The following CIBAR1 variants were observed in gnomAD, a reference collection of about 807,000 sequenced individuals.
The protein encoded by CIBAR1 is CBY1 interacting BAR domain containing 1, also known as CBY1-interacting BAR domain-containing protein 1.
Under a neutral mutation model 44.0 loss-of-function variants are expected in CIBAR1, and 25 were observed. The ratio of observed to expected loss-of-function variants is 0.57; its 90% CI spans 0.41 to 0.79. The LOEUF (loss-of-function observed/expected upper bound fraction) is 0.79. CIBAR1 is among the 30% of genes least tolerant of loss of function. The probability of loss-of-function intolerance (pLI) is 0.00; values close to 1 mark genes in which losing one functional copy is unlikely to be tolerated. For synonymous variants in CIBAR1, 115 were observed against 119.0 expected (o/e 0.97, Z 0.22); for missense variants, 278 against 344.8 (o/e 0.81, Z 1.53).
intron 6 of CIBAR1, among the ~76,000 whole-genome samples, chr8:93,713,039 T>TTC (rs1563644540): frequency 1.4e-5 from 2 of 145,508 alleles, no homozygotes; most frequent in African/African-American, 2.5e-5. Flanking sequence ...TTTTCTTTTT[T>TTC]TTTTTTTTTT....
Position 93,701,343 on chromosome 8 carries a change from A to T in CIBAR1, c.146A>T (p.Asp49Val). ...ACTGCCAGGCTGAGAGACAAAGCAG[A>T]CCTCCTGGTGAATGAAATTAACGCG... ...RKTARLRDKA[D>V]LLVNEINAYA... Residue 49 changes from aspartate to valine, a missense_variant, in exon 2 of 9, where the codon GAC becomes GTC. Around this residue, in one of 3 missense-constraint regions of CIBAR1, gnomAD observed 183 missense variants for 218.6 expected, o/e 0.84. Transcript: ENST00000518322. The T allele has an allele frequency of 6.2e-7, 1 of 1,613,778 alleles. No individual in the cohort carries two copies. The highest frequency in any genetic ancestry group is 1.1e-5 in the South Asian group (1 of 91,074).
intron 6 of CIBAR1, among the ~76,000 whole-genome samples, chr8:93,712,148 C>T (rs910405074): frequency 2.6e-5 from 4 of 152,206 alleles, no homozygotes; most frequent in African/African-American, 9.6e-5. Context: ...TGAGTGTATA[C>T]ACAGATATAT....
At chr8:93,725,698 G>A (rs938587642) in intron 7 of CIBAR1, 2 of 152,030 alleles carry the variant, frequency 1.3e-5, no homozygotes, top group Non-Finnish European at 2.9e-5. Context: ...TGAAGTTTTG[G>A]TTAAAGGAAA....
At chr8:93,724,163 C>G (rs1354897921) in intron 7 of CIBAR1, among the ~76,000 whole-genome samples, 1 of 152,178 alleles carries the variant, frequency 6.6e-6, no homozygotes, top group East Asian at 1.9e-4. Context: ...TTCGAGGCTA[C>G]AGTGAGCTAT....
chr8:93,717,631 A>G (rs572112680), intron 6 of CIBAR1, among the ~76,000 whole-genome samples: 1 of 152,322 alleles, frequency 6.6e-6, no homozygotes, highest in South Asian at 2.1e-4. Context: ...ATAAGTATCT[A>G]TATGGCTATC....
rs1811746344 is a variant in CIBAR1, at chr8:93,730,484, T to C, written c.*2187T>C. On this transcript the variant is annotated 3_prime_UTR_variant, in exon 9 of 9. Transcript: ENST00000518322. ...GAGAATACACCTCCAGTGTACCTGG[T>C]ATACCTTGAGGATAGGAGAGGAAAA... The C allele has an allele frequency of 6.6e-6, 1 of 152,218 alleles. No individual in the cohort carries two copies. Among genetic ancestry groups the C allele is most frequent in the African/African-American group, 2.4e-5 (1 of 41,456 alleles). 9.4% of individuals were successfully genotyped at this position (152,218 alleles called of 1,614,324 possible). A position where few individuals can be genotyped will look rare whatever the true frequency, so the allele number is the denominator to read the frequency against.
chr8:93,718,864 AAT>A, intron 7 of CIBAR1, 76 bp downstream of exon 7: 3 of 957,002 alleles, frequency 3.1e-6, no homozygotes, highest in South Asian at 4.0e-5. Flanking sequence ...GTATGTGATT[AAT>A]ATCTTTTTTT....
In CIBAR1 at chr8:93,703,692, A is replaced by G; in HGVS notation, c.330+4A>G. The G allele has an allele frequency of 2.6e-6, 4 of 1,548,002 alleles. No homozygotes were observed. The highest frequency in any genetic ancestry group is 2.4e-5 in the South Asian group (2 of 82,394). ...GACCATTGTGAAAATGAAACGGGTAAGTAAATCCATTTTCTCACTTAACTG... is the reference window on the plus strand; with the variant it reads ...GACCATTGTGAAAATGAAACGGGTAGGTAAATCCATTTTCTCACTTAACTG... On this transcript the variant is annotated splice_donor_region_variant and intron_variant, in intron 3 of 8. Coordinates refer to ENST00000518322, the MANE Select transcript of CIBAR1 (RefSeq NM_145269.5).
intron 5 of CIBAR1, among the ~76,000 whole-genome samples, chr8:93,709,088 G>A (rs1810717007): frequency 6.6e-6 from 1 of 152,124 alleles, no homozygotes; most frequent in Non-Finnish European, 1.5e-5. Flanking sequence ...AGACCAGCCT[G>A]GCCAATGTGA....
intron 2 of CIBAR1, 23 bp downstream of exon 2, chr8:93,701,481 C>T (rs1189030234): frequency 1.9e-6 from 3 of 1,593,620 alleles, no homozygotes; most frequent in Non-Finnish European, 2.6e-6. Flanking sequence ...ATCACAGTGT[C>T]ATTGTTATGA....
intron 6 of CIBAR1, among the ~76,000 whole-genome samples, chr8:93,711,020 G>A (rs565492967): frequency 5.9e-5 from 9 of 152,234 alleles, no homozygotes; most frequent in African/African-American, 1.9e-4. Context: ...CAGGGTAATA[G>A]TAGCCAACCA....
chr8:93,716,784 ATATT>A (rs1811052237), intron 6 of CIBAR1, among the ~76,000 whole-genome samples: 1 of 152,194 alleles, frequency 6.6e-6, no homozygotes, highest in Non-Finnish European at 1.5e-5. Flanking sequence ...TAAACATTAA[ATATT>A]TAGCTGGCAG....
intron 5 of CIBAR1, among the ~76,000 whole-genome samples, chr8:93,708,452 C>G (rs932473590): frequency 6.6e-6 from 1 of 151,986 alleles, no homozygotes; most frequent in Non-Finnish European, 1.5e-5. Flanking sequence ...AACTTTGGAG[C>G]TAGTTTTTAA....
At chr8:93,714,517 C>G (rs1810964464) in intron 6 of CIBAR1, among the ~76,000 whole-genome samples, 1 of 152,212 alleles carries the variant, frequency 6.6e-6, no homozygotes, top group Non-Finnish European at 1.5e-5. Context: ...GCACATCATT[C>G]CTCATCACTG....
intron 8 of CIBAR1, chr8:93,727,267 TA>T: frequency 9.2e-7 from 1 of 1,084,596 alleles, no homozygotes; most frequent in South Asian, 1.4e-5. Flanking sequence ...CCATACTTTC[TA>T]TTTTCATTTG....
In CIBAR1 at chr8:93,701,593, A is replaced by G. The variant is rs908665762; in HGVS notation, c.261+135A>G. 5 of 728,086 alleles carry G rather than the reference A, an allele frequency of 6.9e-6. No individual in the cohort carries two copies. In the East Asian group the frequency reaches 1.4e-4, roughly 20 times the overall value. The allele number at this position is 728,086 out of a possible 1,614,324, so 45.1% of individuals were successfully genotyped here. A position where few individuals can be genotyped will look rare whatever the true frequency, so the allele number is the denominator to read the frequency against. ...AACTTGATAAAACGTACATTTTCAT[A>G]AGACTGTGTGAGTCTATTAAAGAGA... is the stretch of plus-strand genomic sequence containing the variant. On this transcript the variant is annotated intron_variant, in intron 2 of 8. Coordinates refer to ENST00000518322, the MANE Select transcript of CIBAR1 (RefSeq NM_145269.5).
At chr8:93,708,332 T>A (rs1014934741) in intron 5 of CIBAR1, among the ~76,000 whole-genome samples, 3 of 152,206 alleles carry the variant, frequency 2.0e-5, no homozygotes, top group African/African-American at 7.2e-5. Context: ...TTTGGGCAAC[T>A]TTTGTTCTAG....
chr8:93,700,552 G>C lies in CIBAR1; in HGVS notation c.-96G>C. 3 of 1,345,110 alleles carry C rather than the reference G, an allele frequency of 2.2e-6. No individual in the cohort carries two copies. Among genetic ancestry groups the C allele is most frequent in the Non-Finnish European group, 2.9e-6 (3 of 1,044,812 alleles). 83.3% of individuals were successfully genotyped at this position (1,345,110 alleles called of 1,614,324 possible). ...GGCGGCGCGAGGGGCGGGCTTTCAG[G>C]CTCCCGGCGGCTGCTTGCGCCCCAG... is the stretch of plus-strand genomic sequence containing the variant. On this transcript the variant is annotated 5_prime_UTR_variant, in exon 1 of 9. Transcript: ENST00000518322.
chr8:93,710,671 TAAAAATAC>T (rs1454222694), intron 6 of CIBAR1, among the ~76,000 whole-genome samples: 1 of 151,592 alleles, frequency 6.6e-6, no homozygotes, highest in Non-Finnish European at 1.5e-5. Flanking sequence ...CCATCTCTAC[TAAAAATAC>T]AAAAATTAGC....
Sources: gnomAD v4.1 joint callset for allele counts (sites outside exome capture counted in the v4.1 genomes callset) on GRCh38, gnomAD v4.1.1 for gene constraint, gnomAD v4.1.1 regional missense constraint, MANE v1.5 for transcripts, NCBI Gene and HGNC (gene_info 2026-07-23, HGNC 2026-07-21) for gene names.